RANBP2: variants seen among roughly 807,000 people sequenced by gnomAD.
RANBP2 encodes RAN binding protein 2, also known as E3 SUMO-protein ligase RanBP2.
In RANBP2, 57 loss-of-function variants were observed where a neutral mutation model predicts 303.6. The observed-to-expected ratio is 0.19, with a 90% confidence interval of 0.15 to 0.23. The LOEUF (loss-of-function observed/expected upper bound fraction) is 0.23, where lower values mean the gene tolerates loss of function less well. Among genes scored for constraint, RANBP2 ranks in the 10% least tolerant of loss-of-function variants. The pLI is 1.00. For missense variants in RANBP2, 3,138 were observed against 3,780.8 expected, an observed-to-expected ratio of 0.83 and a Z score of 4.46; for synonymous variants, 1,167 against 1,301.5, an observed-to-expected ratio of 0.90 and a Z score of 2.23.
the RANBP2 span, among the ~76,000 whole-genome samples, chr2:109,322,063 GGAGC>G: frequency 3.9e-5 from 6 of 152,234 alleles, no homozygotes; most frequent in Non-Finnish European, 5.9e-5. Context: ...GGCACAGCAA[GGAGC>G]GAGAAAGGGT....
chr2:109,761,742 G>T, the RANBP2 span, among the ~76,000 whole-genome samples: 1 of 146,774 alleles, frequency 6.8e-6, no homozygotes, highest in East Asian at 2.2e-4. Flanking sequence ...CTTGTGTTAT[G>T]TTTAATATTT....
chr2:108,794,564 C>CA, the RANBP2 span: 1 of 1,612,582 alleles, frequency 6.2e-7, no homozygotes, highest in East Asian at 2.2e-5. Context: ...AATACGACCT[C>CA]ATCGAGACCT....
chr2:109,176,789 C>T, the RANBP2 span, among the ~76,000 whole-genome samples: 1 of 152,138 alleles, frequency 6.6e-6, no homozygotes, highest in Non-Finnish European at 1.5e-5. Flanking sequence ...GTTCCGCTGG[C>T]AGAAGTTAGG....
the RANBP2 span, among the ~76,000 whole-genome samples, chr2:109,673,965 T>A: frequency 6.6e-6 from 1 of 152,170 alleles, no homozygotes; most frequent in Non-Finnish European, 1.5e-5. Context: ...CTAATGAGGT[T>A]GAGCACCTTT....
At chr2:109,177,165 C>G in the RANBP2 span, among the ~76,000 whole-genome samples, 1 of 152,202 alleles carries the variant, frequency 6.6e-6, no homozygotes, top group Admixed American at 6.5e-5. Context: ...TACAGACACA[C>G]TCAGCCCAGA....
chr2:108,994,417 G>C, the RANBP2 span, among the ~76,000 whole-genome samples: 1 of 152,164 alleles, frequency 6.6e-6, no homozygotes, highest in African/African-American at 2.4e-5. Flanking sequence ...ATGGCTTTAC[G>C]AGCTTGAATA....
chr2:109,534,470 A>G, the RANBP2 span, among the ~76,000 whole-genome samples: 1 of 152,238 alleles, frequency 6.6e-6, no homozygotes, highest in African/African-American at 2.4e-5. Context: ...TTTATATTTC[A>G]GCCAATGCTA....
the RANBP2 span, among the ~76,000 whole-genome samples, chr2:109,407,489 C>T: frequency 6.6e-6 from 1 of 152,122 alleles, no homozygotes; most frequent in Non-Finnish European, 1.5e-5. Context: ...CAGACAGATG[C>T]TTCAAGCAGG....
the RANBP2 span, among the ~76,000 whole-genome samples, chr2:109,399,173 C>T: frequency 6.6e-6 from 1 of 152,096 alleles, no homozygotes; most frequent in Non-Finnish European, 1.5e-5. Flanking sequence ...GGTGTGTGAG[C>T]TGATTTTCAG....
At chr2:109,120,115 T>C in the RANBP2 span, among the ~76,000 whole-genome samples, 2 of 152,148 alleles carry the variant, frequency 1.3e-5, no homozygotes, top group African/African-American at 4.8e-5. Flanking sequence ...CCATGCAGAG[T>C]GGGAACTTCA....
the RANBP2 span, among the ~76,000 whole-genome samples, chr2:108,859,909 T>C: frequency 6.6e-6 from 1 of 152,270 alleles, no homozygotes; most frequent in East Asian, 1.9e-4. Context: ...ACCATTTAAA[T>C]GATCTTAATT....
chr2:109,516,856 C>G, the RANBP2 span, among the ~76,000 whole-genome samples: 1 of 152,226 alleles, frequency 6.6e-6, no homozygotes, highest in Non-Finnish European at 1.5e-5. Flanking sequence ...ATTTTTAGTG[C>G]AAAGAATGGT....
chr2:108,977,418 G>A, the RANBP2 span, among the ~76,000 whole-genome samples: 653 of 152,240 alleles, frequency 4.3e-3, 17 homozygotes, highest in Admixed American at 0.03. Context: ...ACAGGCACCC[G>A]CCACCATGCC....
chr2:109,100,790 AAAG>A, the RANBP2 span, among the ~76,000 whole-genome samples: 1 of 152,262 alleles, frequency 6.6e-6, no homozygotes, highest in Non-Finnish European at 1.5e-5. Context: ...CAGGGAAAAA[AAAG>A]AAGTCCAGAA....
chr2:109,629,216 A>AAATAAAT, the RANBP2 span, among the ~76,000 whole-genome samples: 1 of 129,510 alleles, frequency 7.7e-6, no homozygotes, highest in Admixed American at 9.1e-5. Flanking sequence ...ATAAATAAAT[A>AAATAAAT]AATAAATAAA....
At chr2:108,896,560 T>G in the RANBP2 span, 1 of 258,140 alleles carries the variant, frequency 3.9e-6, no homozygotes, top group Non-Finnish European at 7.5e-6. Context: ...GACCAGATTC[T>G]TCACTTCTGT....
chr2:109,437,025 C>G, the RANBP2 span: 1 of 1,613,920 alleles, frequency 6.2e-7, no homozygotes, highest in Non-Finnish European at 8.5e-7. Context: ...CCAGGCCCGC[C>G]CTGCCCATCA....
At chr2:109,602,592 T>C in the RANBP2 span, among the ~76,000 whole-genome samples, 12 of 151,360 alleles carry the variant, frequency 7.9e-5, no homozygotes, top group African/African-American at 2.9e-4. Context: ...GGAGAATCGC[T>C]TGAACCTGGG....
intron 7 of RANBP2, among the ~76,000 whole-genome samples, chr2:108,743,331 A>AT (rs2149178282): frequency 6.6e-6 from 1 of 152,256 alleles, no homozygotes; most frequent in East Asian, 1.9e-4. Flanking sequence ...GTGCAGTGGC[A>AT]TGATCATAGC....
Sources: gnomAD v4.1 joint callset for allele counts (sites outside exome capture counted in the v4.1 genomes callset) on GRCh38, gnomAD v4.1.1 for gene constraint, MANE v1.5 for transcripts, NCBI Gene and HGNC (gene_info 2026-07-23, HGNC 2026-07-21) for gene names.